HDAC9: variants seen among roughly 807,000 people sequenced by gnomAD.
The protein encoded by HDAC9 is histone deacetylase 9, also known as MEF-2 interacting transcription repressor (MITR) protein.
A neutral mutation model predicts 139.4 loss-of-function variants in HDAC9; 41 were observed. That is an observed-to-expected ratio of 0.29 (90% CI 0.23 to 0.38). HDAC9 has a LOEUF of 0.38. Among genes scored for constraint, HDAC9 ranks in the 10% least tolerant of loss-of-function variants. HDAC9 has a pLI of 1.00. For synonymous variants in HDAC9, 517 were observed against 476.2 expected (o/e 1.09, Z -1.12); for missense variants, 1,147 against 1,297.0 (o/e 0.88, Z 1.78).
chr7:18,593,827 C>T lies in HDAC9; in HGVS notation c.543-81C>T, dbSNP rs1831674414. The stretch of plus-strand genomic sequence containing the variant: ...CATAAACATAGCTGAGGCACGTGTA[C>T]AGCGTGTGCAGCTGATTATTGCTGA... On this transcript the variant is annotated intron_variant, in intron 5 of 25. Coordinates refer to ENST00000686413, the MANE Select transcript of HDAC9 (RefSeq NM_178425.4). The T allele has an allele frequency of 1.2e-5, 18 of 1,449,734 alleles. No individual in the cohort carries two copies. The South Asian group carries it at 2.0e-4, about 16-fold the overall frequency. The allele number at this position is 1,449,734 out of a possible 1,614,324, so 89.8% of individuals were successfully genotyped here. A position where few individuals can be genotyped will look rare whatever the true frequency, so the allele number is the denominator to read the frequency against.
chr7:18,917,305 A>G (rs187407479), intron 22 of HDAC9, among the ~76,000 whole-genome samples: 62 of 152,070 alleles, frequency 4.1e-4, no homozygotes, highest in Admixed American at 3.7e-3. Context: ...GGACCTCTGG[A>G]TATGAATTTG....
At chr7:18,701,580 A>G (rs1424734476) in intron 12 of HDAC9, among the ~76,000 whole-genome samples, 1 of 152,202 alleles carries the variant, frequency 6.6e-6, no homozygotes, top group Non-Finnish European at 1.5e-5. Flanking sequence ...TATGTTGCAT[A>G]TTTTTAATAG....
intron 1 of HDAC9, among the ~76,000 whole-genome samples, chr7:18,114,565 A>ATTT (rs1783843099): frequency 6.6e-6 from 1 of 152,194 alleles, no homozygotes; most frequent in South Asian, 2.1e-4. Context: ...CATCTAGACT[A>ATTT]TTTTTAATTA....
chr7:18,823,646 G>A (rs543579907), intron 17 of HDAC9, among the ~76,000 whole-genome samples: 18 of 152,170 alleles, frequency 1.2e-4, no homozygotes, highest in Middle Eastern at 3.4e-3. Context: ...GATCACATGC[G>A]GTCTTAAGGT....
intron 24 of HDAC9, among the ~76,000 whole-genome samples, chr7:18,962,436 G>A (rs1014882882): frequency 2.6e-5 from 4 of 152,060 alleles, no homozygotes; most frequent in African/African-American, 9.7e-5. Context: ...TGTTGTGTTG[G>A]TGGCGCCCTA....
intron 1 of HDAC9, among the ~76,000 whole-genome samples, chr7:18,093,775 C>T (rs2128061414): frequency 1.3e-5 from 2 of 152,238 alleles, no homozygotes; most frequent in East Asian, 3.9e-4. Flanking sequence ...TTGAGACATT[C>T]TTCCTTTGTT....
chr7:18,415,111 C>T (rs1184613952), intron 1 of HDAC9, among the ~76,000 whole-genome samples: 1 of 152,166 alleles, frequency 6.6e-6, no homozygotes, highest in Non-Finnish European at 1.5e-5. Context: ...GTTTACACAG[C>T]TGCTAATTGG....
intron 2 of HDAC9, among the ~76,000 whole-genome samples, chr7:18,197,531 G>A (rs1277596916): frequency 6.6e-6 from 1 of 152,134 alleles, no homozygotes; most frequent in Admixed American, 6.5e-5. Context: ...TACAAGTAGG[G>A]CAAAAGAAGT....
At chr7:18,591,984 G>A (rs1470997553) in intron 5 of HDAC9, among the ~76,000 whole-genome samples, 1 of 152,076 alleles carries the variant, frequency 6.6e-6, no homozygotes, top group African/African-American at 2.4e-5. Context: ...AAAGAAATTT[G>A]TATTTTGCAT....
intron 1 of HDAC9, among the ~76,000 whole-genome samples, chr7:18,356,751 A>T (rs773734644): frequency 6.6e-6 from 1 of 151,758 alleles, no homozygotes; most frequent in Non-Finnish European, 1.5e-5. Context: ...AATTCCTGAC[A>T]CAAGTTCTTC....
At chr7:18,629,182 G>C (rs1288942302) in intron 6 of HDAC9, among the ~76,000 whole-genome samples, 168 bp from the exon 7 acceptor site, 1 of 151,430 alleles carries the variant, frequency 6.6e-6, no homozygotes, top group Non-Finnish European at 1.5e-5. Flanking sequence ...ATATTTGCCT[G>C]TTTCATTAAT....
intron 2 of HDAC9, among the ~76,000 whole-genome samples, chr7:18,533,043 G>A (rs1437687132): frequency 6.6e-6 from 1 of 151,984 alleles, no homozygotes; most frequent in Non-Finnish European, 1.5e-5. Context: ...CAAATCAATA[G>A]TATTTATATG....
intron 5 of HDAC9, among the ~76,000 whole-genome samples, chr7:18,593,068 C>A (rs976818079): frequency 3.9e-5 from 6 of 151,978 alleles, no homozygotes; most frequent in Non-Finnish European, 5.9e-5. Context: ...TAACCACAAA[C>A]GATTAATTTA....
chr7:18,816,774 C>T (rs1458332973), intron 17 of HDAC9, among the ~76,000 whole-genome samples: 1 of 152,178 alleles, frequency 6.6e-6, no homozygotes, highest in African/African-American at 2.4e-5. Context: ...GTGACTTCAA[C>T]AAAGACACTG....
In HDAC9 at chr7:18,648,607, A is replaced by G; in HGVS notation, c.1391A>G (p.Gln464Arg). The G allele has an allele frequency of 6.2e-7, 1 of 1,613,580 alleles. No individual in the cohort carries two copies. The highest frequency in any genetic ancestry group is 8.5e-7 in the Non-Finnish European group (1 of 1,179,716). Residue 464 changes from glutamine to arginine, a missense_variant, in exon 11 of 26, where the codon CAG (glutamine) becomes CGG (arginine). Gln to Arg is a conservative substitution (Grantham distance 43). Transcript: ENST00000686413. ...CCTTTGCCTCAGAGCACGTTGGCTCAGCTGGTCATTCAACAGCAACACCAG... is the reference window on the plus strand; with the variant it reads ...CCTTTGCCTCAGAGCACGTTGGCTCGGCTGGTCATTCAACAGCAACACCAG... ...SAPLPQSTLA[Q>R]LVIQQQHQQF...
chr7:18,225,104 G>C (rs897052350), intron 2 of HDAC9, among the ~76,000 whole-genome samples: 1 of 152,098 alleles, frequency 6.6e-6, no homozygotes, highest in Non-Finnish European at 1.5e-5. Context: ...CTCTTTAGCA[G>C]GCTCTTTCAG....
intron 25 of HDAC9, among the ~76,000 whole-genome samples, chr7:18,979,921 C>T (rs113564289): frequency 0.019 from 2,845 of 152,280 alleles, 96 homozygotes; most frequent in African/African-American, 0.065. Context: ...ACCTCCCACA[C>T]TGGGGATTAT....
intron 6 of HDAC9, among the ~76,000 whole-genome samples, chr7:18,610,962 A>G (rs1028579412): frequency 6.6e-6 from 1 of 152,138 alleles, no homozygotes; most frequent in Non-Finnish European, 1.5e-5. Flanking sequence ...ATTCTTTCCT[A>G]TTACATTCTT....
At chr7:18,581,447 G>C (rs1489319098) in intron 2 of HDAC9, among the ~76,000 whole-genome samples, 1 of 152,000 alleles carries the variant, frequency 6.6e-6, no homozygotes, top group East Asian at 1.9e-4. Flanking sequence ...TACCCTTTGA[G>C]GTTTACAATA....
Sources: allele counts gnomAD v4.1 joint callset (sites outside exome capture counted in the v4.1 genomes callset), GRCh38; gene constraint gnomAD v4.1.1; transcripts MANE v1.5; gene names NCBI Gene and HGNC (gene_info 2026-07-23, HGNC 2026-07-21).